The following SLC25A21 variants were observed in gnomAD, a reference collection of about 807,000 sequenced individuals.
SLC25A21 encodes mitochondrial 2-oxodicarboxylate carrier.
SLC25A21 carries 47 observed loss-of-function variants against 43.8 expected under a neutral mutation model. The observed-to-expected ratio is 1.07, with a 90% CI of 0.85 to 1.37. The LOEUF (loss-of-function observed/expected upper bound fraction) is 1.37. Ranked by LOEUF, SLC25A21 falls within the 40% of genes most tolerant of loss-of-function variation. The pLI is 0.00. For missense variants in SLC25A21, 352 were observed against 350.2 expected (o/e 1.00, Z -0.04); for synonymous variants, 131 against 121.3 (o/e 1.08, Z -0.52).
At chr14:36,721,644 G>C (rs1334396871) in intron 6 of SLC25A21, among the ~76,000 whole-genome samples, 2 of 152,134 alleles carry the variant, frequency 1.3e-5, no homozygotes, top group Non-Finnish European at 2.9e-5. Flanking sequence ...AACTCTGTTA[G>C]AAATTACAGA....
intron 2 of SLC25A21, among the ~76,000 whole-genome samples, chr14:36,821,350 T>C (rs1266271285): frequency 6.6e-6 from 1 of 152,018 alleles, no homozygotes; most frequent in Non-Finnish European, 1.5e-5. Flanking sequence ...GTTTTGAAGA[T>C]AGTTTTTTTT....
chr14:36,793,346 A>T (rs1887558006), intron 3 of SLC25A21, among the ~76,000 whole-genome samples: 1 of 152,158 alleles, frequency 6.6e-6, no homozygotes. Context: ...GAAAATACGG[A>T]AACACATGAA....
chr14:37,004,401 A>G (rs1422868599), intron 1 of SLC25A21, among the ~76,000 whole-genome samples: 1 of 152,198 alleles, frequency 6.6e-6, no homozygotes, highest in Non-Finnish European at 1.5e-5. Context: ...AGACAGAAAT[A>G]AAAATGGCTG....
intron 1 of SLC25A21, among the ~76,000 whole-genome samples, chr14:37,122,566 AG>A (rs1209058836): frequency 6.6e-6 from 1 of 152,176 alleles, no homozygotes; most frequent in Non-Finnish European, 1.5e-5. Flanking sequence ...CTCACATGGT[AG>A]TGCTGTATAC....
chr14:37,104,986 G>A (rs1962885066), intron 1 of SLC25A21, among the ~76,000 whole-genome samples: 1 of 152,156 alleles, frequency 6.6e-6, no homozygotes, highest in Admixed American at 6.5e-5. Context: ...GCCTCAGTCA[G>A]GTAACTATTA....
At chr14:36,844,999 T>A (rs1210400327) in intron 2 of SLC25A21, among the ~76,000 whole-genome samples, 2 of 152,228 alleles carry the variant, frequency 1.3e-5, no homozygotes, top group African/African-American at 4.8e-5. Context: ...GCAGTAAACA[T>A]TTCTTGCAAA....
chr14:36,773,973 T>C (rs1051065961), intron 3 of SLC25A21, among the ~76,000 whole-genome samples: 3 of 152,222 alleles, frequency 2.0e-5, no homozygotes, highest in Non-Finnish European at 2.9e-5. Context: ...CTGATGGACA[T>C]TTGTAGATGT....
chr14:36,700,886 T>C (rs1883252065), intron 7 of SLC25A21, among the ~76,000 whole-genome samples: 1 of 152,236 alleles, frequency 6.6e-6, no homozygotes, highest in Admixed American at 6.5e-5. Flanking sequence ...CTCATCATTG[T>C]CTTGCCCACA....
chr14:37,102,947 G>T (rs1461578474), intron 1 of SLC25A21, among the ~76,000 whole-genome samples: 1 of 151,338 alleles, frequency 6.6e-6, no homozygotes, highest in Non-Finnish European at 1.5e-5. Context: ...ATCATGCCAT[G>T]CCACTGCACT....
chr14:36,776,635 A>C (rs1423477657), intron 3 of SLC25A21, among the ~76,000 whole-genome samples: 1 of 152,100 alleles, frequency 6.6e-6, no homozygotes, highest in Admixed American at 6.5e-5. Context: ...TGTCATCTGG[A>C]AACACAGTGA....
At chr14:37,007,072 T>G (rs1343808615) in intron 1 of SLC25A21, among the ~76,000 whole-genome samples, 4 of 152,318 alleles carry the variant, frequency 2.6e-5, no homozygotes, top group Admixed American at 2.0e-4. Context: ...GATTAAGATA[T>G]TAGAAGGATA....
intron 1 of SLC25A21, among the ~76,000 whole-genome samples, chr14:36,932,049 A>G (rs1178947307): frequency 2.0e-5 from 3 of 152,240 alleles, no homozygotes; most frequent in Non-Finnish European, 4.4e-5. Flanking sequence ...GTGTGATCCC[A>G]AAGAGTCATT....
At chr14:37,082,243 G>A (rs1962402438) in intron 1 of SLC25A21, among the ~76,000 whole-genome samples, 1 of 152,102 alleles carries the variant, frequency 6.6e-6, no homozygotes. Context: ...AGGGTAGGGG[G>A]AATGGGTTTA....
intron 2 of SLC25A21, among the ~76,000 whole-genome samples, chr14:36,859,605 G>C (rs1890006898): frequency 6.6e-6 from 1 of 152,202 alleles, no homozygotes; most frequent in African/African-American, 2.4e-5. Flanking sequence ...TCAGATGACA[G>C]TTTGTAGGTA....
chr14:36,702,184 T>C (rs879074537), intron 7 of SLC25A21, among the ~76,000 whole-genome samples: 2 of 152,204 alleles, frequency 1.3e-5, no homozygotes, highest in Admixed American at 1.3e-4. Context: ...TGGTTCTCCA[T>C]GCACCAGCAA....
intron 1 of SLC25A21, among the ~76,000 whole-genome samples, chr14:36,884,816 A>G (rs539772019): frequency 3.3e-5 from 5 of 152,078 alleles, no homozygotes; most frequent in African/African-American, 1.2e-4. Flanking sequence ...CTCATTTTTA[A>G]TGGGGTATCT....
intron 3 of SLC25A21, among the ~76,000 whole-genome samples, chr14:36,800,347 T>C (rs1486595198): frequency 6.6e-6 from 1 of 152,154 alleles, no homozygotes; most frequent in East Asian, 1.9e-4. Context: ...TGGATATGAA[T>C]GGATAAACAA....
At chr14:37,126,899 A>G (rs1201341441) in intron 1 of SLC25A21, among the ~76,000 whole-genome samples, 2 of 152,170 alleles carry the variant, frequency 1.3e-5, no homozygotes, top group Non-Finnish European at 2.9e-5. Context: ...AAGTTAAGGA[A>G]CTATATTTTT....
rs1963966897 is a variant in SLC25A21, at chr14:37,162,744, G to A, written c.70+9537C>T. On this transcript the variant is annotated intron_variant, in intron 1 of 9. Transcript: ENST00000331299. ...GGAAGTCAGTGTGGCGATTCCTCAG[G>A]GATCCAGAACTAGAAATACCATTTG... 2.0e-5 allele frequency among the ~76,000 whole-genome samples: 3 copies of A among 152,110 alleles called. No homozygotes were observed. In the South Asian group the frequency reaches 6.2e-4, roughly 32 times the overall value.
Sources: gnomAD v4.1 joint callset for allele counts (sites outside exome capture counted in the v4.1 genomes callset) on GRCh38, gnomAD v4.1.1 for gene constraint, MANE v1.5 for transcripts, NCBI Gene and HGNC (gene_info 2026-07-23, HGNC 2026-07-21) for gene names.